The following NCKAP5 variants were observed in gnomAD, a reference collection of about 807,000 sequenced individuals.
NCKAP5 encodes the protein nck-associated protein 5.
NCKAP5 carries 92 observed loss-of-function variants against 167.0 expected under a neutral mutation model. The ratio of observed to expected loss-of-function variants is 0.55; its 90% CI spans 0.47 to 0.66. The LOEUF (loss-of-function observed/expected upper bound fraction) is 0.66. NCKAP5 is among the 30% of genes least tolerant of loss of function. The probability of loss-of-function intolerance (pLI) is 0.00; values close to 1 mark genes in which losing one functional copy is unlikely to be tolerated. For synonymous variants in NCKAP5, 891 were observed against 877.4 expected (o/e 1.02, Z -0.27); for missense variants, 2,378 against 2,315.0 (o/e 1.03, Z -0.56).
chr2:133,599,821 C>A, the NCKAP5 span, among the ~76,000 whole-genome samples: 3 of 152,216 alleles, frequency 2.0e-5, no homozygotes, highest in Non-Finnish European at 4.4e-5. Flanking sequence ...CTGTCTACAG[C>A]CCAAGAGGGC....
At chr2:133,201,287 G>A (rs1041927626) in intron 5 of NCKAP5, among the ~76,000 whole-genome samples, 4 of 152,228 alleles carry the variant, frequency 2.6e-5, no homozygotes, top group Admixed American at 2.6e-4. Flanking sequence ...TATAACTTAT[G>A]ATTTACTTAC....
chr2:132,970,828 C>G (rs572767483), intron 7 of NCKAP5, among the ~76,000 whole-genome samples: 1 of 152,254 alleles, frequency 6.6e-6, no homozygotes, highest in East Asian at 1.9e-4. Flanking sequence ...GCCCAGGAAG[C>G]TTGGTTAGTC....
the NCKAP5 span, among the ~76,000 whole-genome samples, chr2:133,581,760 A>C: frequency 6.6e-6 from 1 of 152,216 alleles, no homozygotes; most frequent in Non-Finnish European, 1.5e-5. Flanking sequence ...CTGGAAATAT[A>C]AGAACCTCCA....
intron 3 of NCKAP5, among the ~76,000 whole-genome samples, chr2:133,323,224 C>T (rs752151402): frequency 1.3e-5 from 2 of 152,078 alleles, no homozygotes; most frequent in African/African-American, 2.4e-5. Context: ...AACTCTATTT[C>T]GTGATCATGT....
intron 6 of NCKAP5, among the ~76,000 whole-genome samples, chr2:133,108,828 C>T (rs990009791): frequency 3.3e-5 from 5 of 152,176 alleles, no homozygotes; most frequent in African/African-American, 9.7e-5. Flanking sequence ...AGCATAGAGT[C>T]CTCTAGCCTC....
At chr2:133,227,715 C>G (rs1306774009) in intron 4 of NCKAP5, among the ~76,000 whole-genome samples, 1 of 152,206 alleles carries the variant, frequency 6.6e-6, no homozygotes, top group Non-Finnish European at 1.5e-5. Flanking sequence ...CCTAACAGAA[C>G]CCATCTCACT....
intron 6 of NCKAP5, among the ~76,000 whole-genome samples, chr2:133,110,558 A>C (rs7560083): frequency 0.059 from 9,036 of 152,286 alleles, 586 homozygotes; most frequent in African/African-American, 0.16. Context: ...TTAGGGCGAG[A>C]AAAAGCAGAA....
chr2:133,187,128 T>C (rs570704651), intron 5 of NCKAP5, among the ~76,000 whole-genome samples: 3 of 152,058 alleles, frequency 2.0e-5, no homozygotes, highest in Non-Finnish European at 4.4e-5. Flanking sequence ...TTTAGCTGAG[T>C]CCCAAAGATT....
At chr2:133,006,605 G>C (rs1197037750) in intron 6 of NCKAP5, among the ~76,000 whole-genome samples, 1 of 132,860 alleles carries the variant, frequency 7.5e-6, no homozygotes, top group Non-Finnish European at 1.6e-5. Flanking sequence ...ATCTCACACA[G>C]TTTTTATTTT....
chr2:133,101,996 C>T (rs569130797), intron 6 of NCKAP5, among the ~76,000 whole-genome samples: 12 of 151,958 alleles, frequency 7.9e-5, no homozygotes, highest in Admixed American at 3.9e-4. Flanking sequence ...AAAAAGGAGT[C>T]TCTGGGGAAA....
intron 6 of NCKAP5, among the ~76,000 whole-genome samples, chr2:133,093,586 T>A (rs749992651): frequency 1.3e-5 from 2 of 152,212 alleles, no homozygotes; most frequent in Non-Finnish European, 2.9e-5. Context: ...CAGAACCGCT[T>A]CTCACTAGCA....
At chr2:133,448,998 TGA>T (rs757255398) in intron 3 of NCKAP5, among the ~76,000 whole-genome samples, 3 of 152,206 alleles carry the variant, frequency 2.0e-5, no homozygotes, top group Non-Finnish European at 4.4e-5. Flanking sequence ...ACATGAATAA[TGA>T]GAGAGGATGT....
intron 3 of NCKAP5, among the ~76,000 whole-genome samples, chr2:133,322,087 C>T (rs377025309): frequency 1.8e-4 from 27 of 152,290 alleles, no homozygotes; most frequent in African/African-American, 6.0e-4. Context: ...AAGTGAGTGT[C>T]ATTCCCTCAT....
chr2:133,671,251 AG>A, the NCKAP5 span, among the ~76,000 whole-genome samples: 1 of 151,488 alleles, frequency 6.6e-6, no homozygotes, highest in Non-Finnish European at 1.5e-5. Flanking sequence ...AAAGAAACAA[AG>A]ATGCTTGTTT....
rs778620539 is a variant in NCKAP5 at position 132,785,362 on chromosome 2, G to C, written c.1449C>G (p.Ser483=). The C allele has an allele frequency of 3.2e-5, 51 of 1,613,842 alleles. No individual in the cohort carries two copies. Among genetic ancestry groups the C allele is most frequent in the Admixed American group, 1.7e-5 (1 of 60,010 alleles). ...DSHVDADDDP[S]TLALLQAVPN... ...GAACTGCTTGGAGCAATGCTAAGGTGGAAGGGTCATCGTCCGCATCAACGT... is the reference window on the plus strand; with the variant it reads ...GAACTGCTTGGAGCAATGCTAAGGTCGAAGGGTCATCGTCCGCATCAACGT... Residue 483 remains serine (S), a synonymous_variant, in exon 14 of 20, where the codon TCC becomes TCG. Transcript: ENST00000409261.
intron 3 of NCKAP5, among the ~76,000 whole-genome samples, chr2:133,368,627 C>G (rs1685600159): frequency 6.6e-6 from 1 of 152,180 alleles, no homozygotes; most frequent in African/African-American, 2.4e-5. Flanking sequence ...AGCCTTGCAT[C>G]CTCTCCATTT....
At chr2:133,458,747 A>G (rs1692010979) in intron 3 of NCKAP5, among the ~76,000 whole-genome samples, 1 of 152,142 alleles carries the variant, frequency 6.6e-6, no homozygotes, top group Non-Finnish European at 1.5e-5. Flanking sequence ...TCTGGGTGGC[A>G]GGAGGGGGAT....
intron 11 of NCKAP5, among the ~76,000 whole-genome samples, chr2:132,801,507 C>T (rs976748467): frequency 6.6e-6 from 1 of 152,160 alleles, no homozygotes; most frequent in East Asian, 1.9e-4. Flanking sequence ...GGTGACAACC[C>T]CACTGAAGAT....
chr2:133,235,920 T>C (rs1278898465), intron 4 of NCKAP5, among the ~76,000 whole-genome samples: 1 of 133,878 alleles, frequency 7.5e-6, no homozygotes, highest in South Asian at 2.4e-4. Flanking sequence ...AAAAAAAAAA[T>C]GCAAAAAAAT....
Sources: gnomAD v4.1 joint callset for allele counts (sites outside exome capture counted in the v4.1 genomes callset) on GRCh38, gnomAD v4.1.1 for gene constraint, MANE v1.5 for transcripts, NCBI Gene and HGNC (gene_info 2026-07-23, HGNC 2026-07-21) for gene names.